TPO: variants seen among roughly 807,000 people sequenced by gnomAD.
The protein encoded by TPO is thyroid microsomal antigen.
TPO carries 78 observed loss-of-function variants against 96.9 expected under a neutral mutation model. The ratio of observed to expected loss-of-function variants is 0.81; its 90% CI spans 0.67 to 0.97. The LOEUF (loss-of-function observed/expected upper bound fraction) is 0.97, where lower values mean the gene tolerates loss of function less well. Ranked by LOEUF, TPO falls within the 50% of genes least tolerant of loss-of-function variation. The probability of loss-of-function intolerance (pLI) is 0.00; values close to 1 mark genes in which losing one functional copy is unlikely to be tolerated. For missense variants in TPO, 1,252 were observed against 1,274.8 expected, an observed-to-expected ratio of 0.98 and a Z score of 0.27; for synonymous variants, 547 against 538.0, an observed-to-expected ratio of 1.02 and a Z score of -0.23.
At position 1,542,411 on chromosome 2, in the gene TPO, AT is replaced by A. The variant is rs764859596; in HGVS notation, c.2749-5del. ...CAGACGTTATTAATGTTTGTTCTGC[AT>A]TTTTGCAGGAGAGTGCTGGGATGGA... On this transcript the variant is annotated splice_polypyrimidine_tract_variant and intron_variant, in intron 16 of 16. Coordinates refer to ENST00000329066, the MANE Select transcript of TPO (RefSeq NM_001206744.2). The A allele has an allele frequency of 6.2e-7, 1 of 1,614,106 alleles. No individual in the cohort carries two copies. Among genetic ancestry groups the A allele is most frequent in the Non-Finnish European group, 8.5e-7 (1 of 1,180,014 alleles).
chr2:1,460,552 T>C (rs909930612), intron 7 of TPO, among the ~76,000 whole-genome samples: 3 of 152,244 alleles, frequency 2.0e-5, no homozygotes, highest in Non-Finnish European at 4.4e-5. Flanking sequence ...CCTTGTAACT[T>C]ATTAGCTGCA....
intron 1 of TPO, among the ~76,000 whole-genome samples, chr2:1,380,312 T>C (rs1019191672): frequency 1.8e-4 from 27 of 148,860 alleles, no homozygotes; most frequent in Admixed American, 4.8e-4. Context: ...GAGAATGGCA[T>C]GAACCCGGGA....
intron 4 of TPO, among the ~76,000 whole-genome samples, chr2:1,433,895 T>C (rs1665285200): frequency 6.6e-6 from 1 of 152,184 alleles, no homozygotes; most frequent in African/African-American, 2.4e-5. Context: ...TAAAATAATT[T>C]AGGAATTTTC....
chr2:1,422,970 G>T (rs551802298), intron 2 of TPO, 75 bp from the exon 3 acceptor site: 4 of 1,526,230 alleles, frequency 2.6e-6, no homozygotes, highest in Non-Finnish European at 3.6e-6. Context: ...AGATGGGCTT[G>T]AGGAACAAAG....
At chr2:1,407,783 CCTT>C (rs67986466) in intron 1 of TPO, among the ~76,000 whole-genome samples, 19,499 of 152,148 alleles carry the variant, frequency 0.13, 1,684 homozygotes, top group East Asian at 0.34. Flanking sequence ...AATCATGCAA[CCTT>C]CTTTTTGGCT....
chr2:1,540,464 T>C lies in TPO; in HGVS notation c.2619-130T>C, dbSNP rs1399586028. The C allele has an allele frequency of 1.9e-6, 3 of 1,588,648 alleles. No individual in the cohort carries two copies. The Admixed American group carries it at 5.0e-5, about 27-fold the overall frequency. ...TGATCGACTTGACTGAAGTGTGAAA[T>C]GAAAGTGGGTTGGAGTGTTCCTGCC... On this transcript the variant is annotated intron_variant, in intron 15 of 16. Transcript: ENST00000329066.
chr2:1,413,816 T>C (rs1662599899), intron 1 of TPO: 1 of 881,850 alleles, frequency 1.1e-6, no homozygotes, highest in Non-Finnish European at 1.4e-6. Context: ...TTAACAAAAT[T>C]AGTGGCTCAA....
At chr2:1,484,030 C>T (rs1055458417) in intron 8 of TPO, among the ~76,000 whole-genome samples, 1 of 152,160 alleles carries the variant, frequency 6.6e-6, no homozygotes. Flanking sequence ...AATACCAAAA[C>T]AACTTGACAC....
intron 1 of TPO, among the ~76,000 whole-genome samples, chr2:1,399,695 G>A (rs555866740): frequency 8.3e-4 from 126 of 152,206 alleles, no homozygotes; most frequent in South Asian, 3.7e-3. Context: ...CCAGTGCCTC[G>A]GGAGCCTCTC....
At chr2:1,399,730 C>T (rs963521548) in intron 1 of TPO, among the ~76,000 whole-genome samples, 1 of 152,192 alleles carries the variant, frequency 6.6e-6, no homozygotes, top group African/African-American at 2.4e-5. Context: ...GGGGCTCCTG[C>T]CTCCTCCCCA....
In TPO at chr2:1,493,486, CCGG is replaced by C. The variant is rs1478459333; in HGVS notation, c.1769-314_1769-312del. 2.5e-4 allele frequency among the ~76,000 whole-genome samples: 36 copies of C among 143,404 alleles called. 1 individual carries two copies. The highest frequency in any genetic ancestry group is 8.6e-4 in the African/African-American group (35 of 40,516). The allele number at this position is 143,404 out of a possible 152,430, so 94.1% of individuals were successfully genotyped here. ...GTCACAGGGTGGGACAGGACTCTGC[CCGG>C]CATCTGAGCTGGAATATCCTAGCCT... is the stretch of plus-strand genomic sequence containing the variant. On this transcript the variant is annotated intron_variant, in intron 10 of 16. Coordinates refer to ENST00000329066, the MANE Select transcript of TPO (RefSeq NM_001206744.2).
At chr2:1,422,387 C>CCTCTCCTGGACAGA (rs1573110939) in intron 2 of TPO, among the ~76,000 whole-genome samples, 7 of 150,298 alleles carry the variant, frequency 4.7e-5, no homozygotes, top group African/African-American at 1.2e-4. Flanking sequence ...CGTGCAGGCG[C>CCTCTCCTGGACAGA]CGCGCTGGGC....
chr2:1,500,944 C>G (rs1462191259), intron 13 of TPO, among the ~76,000 whole-genome samples: 1 of 150,504 alleles, frequency 6.6e-6, no homozygotes, highest in African/African-American at 2.5e-5. Flanking sequence ...TGCACTCCAG[C>G]CTGGGCAACA....
chr2:1,509,736 TG>T (rs1673885756), intron 14 of TPO, among the ~76,000 whole-genome samples: 11 of 150,468 alleles, frequency 7.3e-5, no homozygotes, highest in East Asian at 2.0e-4. Context: ...CCCACCCTCT[TG>T]TTTCAGGGAC....
chr2:1,513,051 A>C (rs1408932837), intron 14 of TPO, among the ~76,000 whole-genome samples: 2 of 152,292 alleles, frequency 1.3e-5, no homozygotes, highest in Non-Finnish European at 2.9e-5. Flanking sequence ...CTCTCCGTAC[A>C]GATGGCGCAG....
At chr2:1,380,677 G>A (rs1188894803) in intron 1 of TPO, among the ~76,000 whole-genome samples, 1 of 152,174 alleles carries the variant, frequency 6.6e-6, no homozygotes. Context: ...CTCATTCAAT[G>A]GGCTAGATGT....
At chr2:1,380,442 A>G (rs1322870904) in intron 1 of TPO, among the ~76,000 whole-genome samples, 2 of 151,924 alleles carry the variant, frequency 1.3e-5, no homozygotes, top group Non-Finnish European at 2.9e-5. Context: ...TAAGATAGCC[A>G]TATAATGTTA....
upstream of TPO, among the ~76,000 whole-genome samples, chr2:1,410,422 T>C (rs1662315760): frequency 6.6e-6 from 1 of 152,192 alleles, no homozygotes; most frequent in African/African-American, 2.4e-5. Context: ...CCCTTTTCTG[T>C]TACAGTCACA....
At chr2:1,467,789 G>A (rs1669038476) in intron 7 of TPO, among the ~76,000 whole-genome samples, 1 of 151,390 alleles carries the variant, frequency 6.6e-6, no homozygotes, top group Non-Finnish European at 1.5e-5. Context: ...GTGGAGTGTT[G>A]CAGTCCCCCA....
Sources: gnomAD v4.1 joint callset for allele counts (sites outside exome capture counted in the v4.1 genomes callset) on GRCh38, gnomAD v4.1.1 for gene constraint, MANE v1.5 for transcripts, NCBI Gene and HGNC (gene_info 2026-07-23, HGNC 2026-07-21) for gene names.